The following SEMA4D variants were observed in gnomAD, a reference collection of about 807,000 sequenced individuals.
SEMA4D encodes semaphorin 4D, also known as semaphorin-4D.
In SEMA4D, 22 loss-of-function variants were observed where a neutral mutation model predicts 74.8. The observed-to-expected ratio is 0.29, with a 90% CI of 0.21 to 0.42. The LOEUF (loss-of-function observed/expected upper bound fraction) is 0.42, where lower values mean the gene tolerates loss of function less well. Ranked by LOEUF, SEMA4D falls within the 10% of genes least tolerant of loss-of-function variation. SEMA4D has a pLI of 1.00. For synonymous variants in SEMA4D, 445 were observed against 463.7 expected (o/e 0.96, Z 0.52); for missense variants, 937 against 1,118.4 (o/e 0.84, Z 2.31).
intron 2 of SEMA4D, among the ~76,000 whole-genome samples, chr9:89,410,711 G>A (rs1195098289): frequency 1.3e-5 from 2 of 152,138 alleles, no homozygotes; most frequent in Non-Finnish European, 2.9e-5. Context: ...CTGAGCTTTC[G>A]GAATAACAGC....
intron 2 of SEMA4D, among the ~76,000 whole-genome samples, chr9:89,420,239 A>G (rs778455188): frequency 6.6e-6 from 1 of 151,818 alleles, no homozygotes; most frequent in Non-Finnish European, 1.5e-5. Context: ...CCAGGCCCCA[A>G]CCCCGCGTTG....
intron 2 of SEMA4D, among the ~76,000 whole-genome samples, chr9:89,429,750 G>A (rs951743216): frequency 1.2e-4 from 18 of 152,252 alleles, no homozygotes; most frequent in African/African-American, 4.1e-4. Flanking sequence ...AGAAGTGCAC[G>A]CTGCTAACAG....
At chr9:89,432,241 C>T (rs1378032503) in intron 2 of SEMA4D, among the ~76,000 whole-genome samples, 1 of 152,176 alleles carries the variant, frequency 6.6e-6, no homozygotes, top group Non-Finnish European at 1.5e-5. Context: ...AAATGTTAAC[C>T]ACTAATATAA....
intron 2 of SEMA4D, among the ~76,000 whole-genome samples, chr9:89,431,353 G>A (rs1252219091): frequency 3.9e-5 from 6 of 152,244 alleles, no homozygotes; most frequent in African/African-American, 1.4e-4. Flanking sequence ...CAGGAGGAGG[G>A]ACACCAAAAT....
At chr9:89,430,785 T>A (rs984823588) in intron 2 of SEMA4D, among the ~76,000 whole-genome samples, 48 of 152,224 alleles carry the variant, frequency 3.2e-4, no homozygotes, top group Admixed American at 3.1e-3. Flanking sequence ...AAGATCAGGA[T>A]GGCCTACATG....
At chr9:89,408,296 C>T (rs561865323) in intron 2 of SEMA4D, among the ~76,000 whole-genome samples, 8 of 152,348 alleles carry the variant, frequency 5.3e-5, no homozygotes, top group East Asian at 1.9e-4. Context: ...AGTGGGGCTG[C>T]GTGGAAGCAA....
intron 16 of SEMA4D, chr9:89,364,280 TC>T: frequency 2.5e-6 from 1 of 403,944 alleles, no homozygotes; most frequent in Non-Finnish European, 4.7e-6. Context: ...TGGAACAGCA[TC>T]CCACCCCACC....
At chr9:89,404,154 G>A (rs73484062) in intron 3 of SEMA4D, among the ~76,000 whole-genome samples, 53 of 152,188 alleles carry the variant, frequency 3.5e-4, no homozygotes, top group African/African-American at 1.1e-3. Flanking sequence ...TCCAAGAGAA[G>A]AAATAACTAA....
intron 1 of SEMA4D, among the ~76,000 whole-genome samples, chr9:89,481,995 G>A (rs1588179847): frequency 1.3e-5 from 2 of 152,350 alleles, no homozygotes; most frequent in African/African-American, 4.8e-5. Context: ...GCTGCTTCCT[G>A]TCGATGACCT....
intron 1 of SEMA4D, chr9:89,472,123 C>G (rs1449717123): frequency 5.7e-6 from 1 of 176,790 alleles, no homozygotes; most frequent in African/African-American, 2.4e-5. Context: ...TCAATTTGCA[C>G]AATCCTTCTG....
chr9:89,364,212 C>A, intron 16 of SEMA4D: 1 of 614,134 alleles, frequency 1.6e-6, no homozygotes, highest in Non-Finnish European at 2.7e-6. Context: ...GCCTGTGTCC[C>A]CTAGGACCCC....
intron 2 of SEMA4D, among the ~76,000 whole-genome samples, chr9:89,428,834 C>G (rs1478513860): frequency 1.3e-5 from 2 of 152,208 alleles, no homozygotes. Context: ...AAGAAAGCAG[C>G]CACTAGGTCC....
intron 13 of SEMA4D, chr9:89,384,925 C>T (rs866058276): frequency 4.1e-6 from 4 of 985,352 alleles, no homozygotes; most frequent in African/African-American, 1.7e-5. Context: ...CAGGACCCCA[C>T]GGCAGGCAGG....
chr9:89,431,940 G>A (rs748859365), intron 2 of SEMA4D, among the ~76,000 whole-genome samples: 16 of 152,254 alleles, frequency 1.1e-4, no homozygotes, highest in East Asian at 1.9e-4. Context: ...GCCCCAATAC[G>A]AGCTCTGGTT....
chr9:89,446,871 C>T (rs1288892346), intron 2 of SEMA4D, among the ~76,000 whole-genome samples: 1 of 152,208 alleles, frequency 6.6e-6, no homozygotes, highest in East Asian at 1.9e-4. Flanking sequence ...CACACTGTGT[C>T]CAGCTCGGAG....
chr9:89,381,079 T>C lies in SEMA4D; in HGVS notation c.1639A>G (p.Ser547Gly). The stretch of plus-strand genomic sequence containing the variant: ...CCCGGGCACACAGAAGCATCGCCGC[T>C]CATCTCCTGAATCAAACCCCTGCAA... Reference protein sequence around the residue: ...SPSRGLIQEMSGDASVCPDKS... With the variant: ...SPSRGLIQEMGGDASVCPDKS... The change falls in exon 15 of 16, where the codon AGC becomes GGC. Residue 547 changes from serine to glycine, a missense_variant. Physicochemically the swap from Ser to Gly is moderately conservative, Grantham distance 56. Transcript: ENST00000422704. The surrounding 1 kb of genome is among the most constrained non-coding windows in gnomAD (Gnocchi z 4.6). 1 of 1,614,042 alleles carries C rather than the reference T, an allele frequency of 6.2e-7. No individual in the cohort carries two copies. The highest frequency in any genetic ancestry group is 8.5e-7 in the Non-Finnish European group (1 of 1,180,032).
At chr9:89,483,587 A>G (rs1356614910) in intron 1 of SEMA4D, among the ~76,000 whole-genome samples, 1 of 152,228 alleles carries the variant, frequency 6.6e-6, no homozygotes, top group Non-Finnish European at 1.5e-5. Flanking sequence ...ATAGGGCCAG[A>G]TGTCACATGG....
At chr9:89,393,778 T>C in intron 6 of SEMA4D, 123 bp from the exon 7 acceptor site, 2 of 725,530 alleles carry the variant, frequency 2.8e-6, no homozygotes, top group Non-Finnish European at 4.8e-6. Flanking sequence ...GCCGAGCAGA[T>C]AGGTGTGGAG....
At chr9:89,486,075 T>C (rs1289104140) in intron 1 of SEMA4D, among the ~76,000 whole-genome samples, 1 of 152,196 alleles carries the variant, frequency 6.6e-6, no homozygotes, top group African/African-American at 2.4e-5. Flanking sequence ...ATGAACGTCA[T>C]CTAGCATTCT....
Sources: gnomAD v4.1 joint callset for allele counts (sites outside exome capture counted in the v4.1 genomes callset) on GRCh38, gnomAD v4.1.1 for gene constraint, Gnocchi (gnomAD v3.1) non-coding constraint, MANE v1.5 for transcripts, NCBI Gene and HGNC (gene_info 2026-07-23, HGNC 2026-07-21) for gene names.